PARD3B: variants seen among roughly 807,000 people sequenced by gnomAD.
PARD3B encodes partitioning defective 3 homolog B.
Under a neutral mutation model 130.2 loss-of-function variants are expected in PARD3B, and 103 were observed. The observed-to-expected ratio is 0.79, with a 90% CI of 0.67 to 0.93. PARD3B has a LOEUF of 0.93. Ranked by LOEUF, PARD3B falls within the 40% of genes least tolerant of loss-of-function variation. PARD3B has a pLI of 0.00. For synonymous variants in PARD3B, 583 were observed against 553.2 expected, an observed-to-expected ratio of 1.05 and a Z score of -0.76; for missense variants, 1,609 against 1,499.2, an observed-to-expected ratio of 1.07 and a Z score of -1.21.
intron 3 of PARD3B, among the ~76,000 whole-genome samples, chr2:204,994,943 C>T (rs1204796599): frequency 5.5e-4 from 84 of 151,518 alleles, no homozygotes; most frequent in African/African-American, 1.9e-3. Context: ...GTAGATCTTC[C>T]TCCATCCTTT....
At chr2:205,170,017 GCCT>G (rs2035061416) in intron 11 of PARD3B, among the ~76,000 whole-genome samples, 1 of 145,464 alleles carries the variant, frequency 6.9e-6, no homozygotes, top group African/African-American at 2.6e-5. Context: ...TGCAACCTCC[GCCT>G]CCTCGGTTCA....
intron 16 of PARD3B, among the ~76,000 whole-genome samples, chr2:205,262,195 C>A (rs72940346): frequency 1.1e-3 from 161 of 152,072 alleles, no homozygotes; most frequent in Non-Finnish European, 1.8e-3. Flanking sequence ...TCAAGACAGC[C>A]CATAGTCATA....
At chr2:205,381,182 A>G (rs2045425458) in intron 18 of PARD3B, among the ~76,000 whole-genome samples, 1 of 123,180 alleles carries the variant, frequency 8.1e-6, no homozygotes, top group South Asian at 2.3e-4. Flanking sequence ...TAATATATAT[A>G]AAGAATATAT....
At chr2:205,193,342 TCCAG>T in intron 15 of PARD3B, 22 bp downstream of exon 15, 1 of 1,530,622 alleles carries the variant, frequency 6.5e-7, no homozygotes, top group Non-Finnish European at 9.1e-7. Flanking sequence ...TGAGGTGACA[TCCAG>T]GTCAGCTCTC....
At chr2:205,332,162 A>C (rs2105778453) in intron 18 of PARD3B, among the ~76,000 whole-genome samples, 1 of 152,188 alleles carries the variant, frequency 6.6e-6, no homozygotes, top group East Asian at 1.9e-4. Flanking sequence ...AAAAGATAGT[A>C]TTTTCTGTGG....
In PARD3B at chr2:205,287,862, C is replaced by T. The variant is rs926655474; in HGVS notation, c.2186-12668C>T. ...AGCAAGAATTTCAGTACAAGAAAGACTGATCATAGAGTTCCCTGAGGGAAG... is the reference window on the plus strand; with the variant it reads ...AGCAAGAATTTCAGTACAAGAAAGATTGATCATAGAGTTCCCTGAGGGAAG... On this transcript the variant is annotated intron_variant, in intron 16 of 22. Transcript: ENST00000406610. The surrounding 1 kb of genome is among the most constrained non-coding windows in gnomAD (Gnocchi z 4.8). 1.1e-4 allele frequency among the ~76,000 whole-genome samples: 17 copies of T among 152,220 alleles called. No individual in the cohort carries two copies. Among genetic ancestry groups the T allele is most frequent in the Middle Eastern group, 3.4e-3 (1 of 294 alleles).
intron 20 of PARD3B, among the ~76,000 whole-genome samples, chr2:205,469,308 G>A (rs986523609): frequency 2.6e-5 from 4 of 152,084 alleles, no homozygotes; most frequent in Admixed American, 2.6e-4. Flanking sequence ...ACTATAACTT[G>A]TCTTGCCTCC....
chr2:205,285,939 G>A (rs767676116), intron 16 of PARD3B, among the ~76,000 whole-genome samples: 2 of 152,064 alleles, frequency 1.3e-5, no homozygotes, highest in Non-Finnish European at 2.9e-5. Context: ...TTAATTAGTA[G>A]CAACATATTA....
intron 2 of PARD3B, among the ~76,000 whole-genome samples, chr2:204,845,322 T>C (rs1170807119): frequency 6.6e-6 from 1 of 152,206 alleles, no homozygotes. Context: ...ACTTTCTGCT[T>C]TGAACAACTT....
At chr2:204,764,178 A>G (rs2041031689) in intron 2 of PARD3B, among the ~76,000 whole-genome samples, 1 of 152,144 alleles carries the variant, frequency 6.6e-6, no homozygotes, top group South Asian at 2.1e-4. Flanking sequence ...AGAGGCTTTT[A>G]TGAGAAATCA....
rs189870595 is a variant in PARD3B, at chr2:205,312,217, G to A, written c.2630+10516G>A. ...GCCTGGGTATCCCTTCAACTTTATG[G>A]GTATGAAGGGTAACTGAGCCAATGT... On this transcript the variant is annotated intron_variant, in intron 18 of 22. Coordinates refer to ENST00000406610, the MANE Select transcript of PARD3B (RefSeq NM_001302769.2). 3.7e-3 allele frequency among the ~76,000 whole-genome samples: 560 copies of A among 152,218 alleles called. 6 individuals are homozygous for A. Among genetic ancestry groups the A allele is most frequent in the Non-Finnish European group, 2.0e-3 (134 of 68,020 alleles).
At chr2:205,418,378 A>G (rs533746373) in intron 19 of PARD3B, among the ~76,000 whole-genome samples, 4 of 152,308 alleles carry the variant, frequency 2.6e-5, no homozygotes, top group Admixed American at 6.5e-5. Flanking sequence ...GGAAATGGCA[A>G]GATGCGTAAA....
intron 2 of PARD3B, among the ~76,000 whole-genome samples, chr2:204,917,875 CAATAGT>C (rs2125741582): frequency 6.6e-6 from 1 of 152,106 alleles, no homozygotes; most frequent in East Asian, 1.9e-4. Flanking sequence ...TGTAAACTGA[CAATAGT>C]AATAGTAAAA....
At chr2:204,883,665 C>T (rs1030304609) in intron 2 of PARD3B, among the ~76,000 whole-genome samples, 14 of 151,006 alleles carry the variant, frequency 9.3e-5, no homozygotes, top group Non-Finnish European at 1.0e-4. Flanking sequence ...AGGCTGGTCT[C>T]GAACTCCTAA....
At chr2:205,476,678 T>A (rs1490513469) in intron 20 of PARD3B, among the ~76,000 whole-genome samples, 1 of 152,178 alleles carries the variant, frequency 6.6e-6, no homozygotes, top group African/African-American at 2.4e-5. Flanking sequence ...TGCATTACCC[T>A]CTTATGAGTT....
intron 3 of PARD3B, among the ~76,000 whole-genome samples, chr2:205,012,068 G>A (rs1695758278): frequency 6.6e-6 from 1 of 152,052 alleles, no homozygotes; most frequent in Non-Finnish European, 1.5e-5. Flanking sequence ...AGCTTTCCTG[G>A]GTCCCTGCAA....
At chr2:205,334,388 G>A (rs1239230487) in intron 18 of PARD3B, among the ~76,000 whole-genome samples, 2 of 152,110 alleles carry the variant, frequency 1.3e-5, no homozygotes, top group Non-Finnish European at 2.9e-5. Context: ...ATGTTAGCAC[G>A]TGGTCACATA....
rs1355787694 is a variant in PARD3B, at chr2:205,451,488, C to CT, written c.3044+10824dup. Reference sequence around the variant, plus strand: ...TAGATTACCTTTAGATGTCTTTTCTCTTTTTTTTCAGTTCCCTTTAATAAT... The same window carrying CT: ...TAGATTACCTTTAGATGTCTTTTCTCTTTTTTTTTCAGTTCCCTTTAATAAT... On this transcript the variant is annotated intron_variant, in intron 20 of 22. Coordinates refer to ENST00000406610, the MANE Select transcript of PARD3B (RefSeq NM_001302769.2). Among the ~76,000 whole-genome samples the CT allele has an allele frequency of 9.9e-5, 15 of 151,878 alleles. No homozygotes were observed. The Middle Eastern group carries it at 0.014, about 138-fold the overall frequency.
chr2:204,977,283 G>T (rs760833633), intron 3 of PARD3B, among the ~76,000 whole-genome samples: 11 of 152,120 alleles, frequency 7.2e-5, no homozygotes, highest in Non-Finnish European at 1.6e-4. Context: ...TGGTTCACAA[G>T]AATTTTCTTT....
Sources: gnomAD v4.1 joint callset for allele counts (sites outside exome capture counted in the v4.1 genomes callset) on GRCh38, gnomAD v4.1.1 for gene constraint, Gnocchi (gnomAD v3.1) non-coding constraint, MANE v1.5 for transcripts, NCBI Gene and HGNC (gene_info 2026-07-23, HGNC 2026-07-21) for gene names.